Variants in LTBP1 observed in about 807,000 individuals in gnomAD.
The protein encoded by LTBP1 is latent-transforming growth factor beta-binding protein 1.
LTBP1 carries 129 observed loss-of-function variants against 207.6 expected under a neutral mutation model. That is an observed-to-expected ratio of 0.62 (90% CI 0.54 to 0.72). The LOEUF (loss-of-function observed/expected upper bound fraction) is 0.72. LTBP1 is among the 30% of genes least tolerant of loss of function. The pLI is 0.00. For missense variants in LTBP1, 2,281 were observed against 2,217.2 expected, an observed-to-expected ratio of 1.03 and a Z score of -0.58; for synonymous variants, 963 against 833.7, an observed-to-expected ratio of 1.16 and a Z score of -2.67.
In LTBP1 at chr2:33,398,524, G is replaced by A. The variant is rs751392666; in HGVS notation, c.5145G>A (p.Glu1715=). ...CTPLNTALNL[E]KDSDLE ...CGTTGAATACCGCCTTGAATTTAGA[G>A]AAAGACAGTGACCTGGAGTGAAACA... Residue 1715 remains glutamate (E), a synonymous_variant, in exon 34 of 34, where the codon GAG becomes GAA. Coordinates refer to ENST00000404816, the MANE Select transcript of LTBP1 (RefSeq NM_206943.4). The A allele has an allele frequency of 3.7e-6, 6 of 1,614,038 alleles. No individual in the cohort carries two copies. Among genetic ancestry groups the A allele is most frequent in the South Asian group, 2.2e-5 (2 of 91,056 alleles).
At chr2:33,206,331 C>T (rs1288488096) in intron 7 of LTBP1, among the ~76,000 whole-genome samples, 1 of 152,158 alleles carries the variant, frequency 6.6e-6, no homozygotes, top group Non-Finnish European at 1.5e-5. Context: ...CCAAATGAGG[C>T]ATGCATTACA....
chr2:33,180,753 G>C (rs2086541987), intron 5 of LTBP1, among the ~76,000 whole-genome samples: 2 of 152,136 alleles, frequency 1.3e-5, no homozygotes, highest in Non-Finnish European at 2.9e-5. Context: ...ACCGTGCCCA[G>C]CCTAAGTAGC....
intron 24 of LTBP1, among the ~76,000 whole-genome samples, chr2:33,334,441 G>A (rs1365031606): frequency 2.0e-5 from 3 of 152,160 alleles, no homozygotes; most frequent in African/African-American, 7.2e-5. Context: ...GTGTCTGAAA[G>A]CACAAAACTC....
chr2:33,086,991 C>T (rs1273947995), intron 3 of LTBP1, among the ~76,000 whole-genome samples: 2 of 150,570 alleles, frequency 1.3e-5, no homozygotes, highest in Admixed American at 1.3e-4. Context: ...GGCACTTGAT[C>T]ACAGAGATTA....
chr2:33,064,103 T>C (rs1047367207), intron 3 of LTBP1, among the ~76,000 whole-genome samples: 8 of 152,232 alleles, frequency 5.3e-5, no homozygotes, highest in African/African-American at 1.4e-4. Flanking sequence ...TTTACCCGCC[T>C]TGGCCTCCCA....
intron 2 of LTBP1, among the ~76,000 whole-genome samples, chr2:32,974,066 G>A (rs1216445496): frequency 6.6e-6 from 1 of 152,170 alleles, no homozygotes; most frequent in Non-Finnish European, 1.5e-5. Context: ...AAACATAGGA[G>A]TGCAAATATC....
intron 5 of LTBP1, among the ~76,000 whole-genome samples, chr2:33,168,288 CAGGAGGA>C (rs1285850894): frequency 6.6e-6 from 1 of 150,876 alleles, no homozygotes; most frequent in African/African-American, 2.4e-5. Flanking sequence ...GAGGCTGAGG[CAGGAGGA>C]TCACTTGAAC....
intron 5 of LTBP1, among the ~76,000 whole-genome samples, chr2:33,149,782 T>G (rs2150962884): frequency 6.6e-6 from 1 of 152,298 alleles, no homozygotes; most frequent in East Asian, 1.9e-4. Context: ...AAACTGCTTT[T>G]CAGCACTGAC....
In LTBP1 at chr2:32,994,322, A is replaced by G. The variant is rs1684904070; in HGVS notation, c.566-26587A>G. ...TTAGTGTCTTTATGAGATAGGTACT[A>G]TTATTATGCTAATTTTACAGATCAG... On this transcript the variant is annotated intron_variant, in intron 2 of 33. Coordinates refer to ENST00000404816, the MANE Select transcript of LTBP1 (RefSeq NM_206943.4). Among the ~76,000 whole-genome samples the G allele has an allele frequency of 2.0e-5, 3 of 152,240 alleles. No homozygotes were observed. In the South Asian group the frequency reaches 6.2e-4, roughly 32 times the overall value.
chr2:33,228,434 G>A (rs1277185877), intron 9 of LTBP1, among the ~76,000 whole-genome samples: 1 of 152,076 alleles, frequency 6.6e-6, no homozygotes, highest in Non-Finnish European at 1.5e-5. Flanking sequence ...GCTAATAAGT[G>A]CTACATGCAG....
In LTBP1 at chr2:33,053,151, G is replaced by A. The variant is rs558166012; in HGVS notation, c.863+31945G>A. Reference sequence around the variant, plus strand: ...CTCCCAAAGTGCTGGAATTACAGGCGTAAGCCACCGCGCCTGGCCTAAAAG... The same window carrying A: ...CTCCCAAAGTGCTGGAATTACAGGCATAAGCCACCGCGCCTGGCCTAAAAG... On this transcript the variant is annotated intron_variant, in intron 3 of 33. Transcript: ENST00000404816. 3.9e-3 allele frequency among the ~76,000 whole-genome samples: 594 copies of A among 152,286 alleles called. 6 individuals are homozygous for A. The highest frequency in any genetic ancestry group is 0.014 in the African/African-American group (577 of 41,558).
chr2:32,969,075 G>A (rs1410950148), intron 2 of LTBP1, among the ~76,000 whole-genome samples: 5 of 151,818 alleles, frequency 3.3e-5, no homozygotes, highest in South Asian at 2.1e-4. Context: ...ACAGGTGCCC[G>A]CCACCATGCC....
At chr2:33,348,217 C>T (rs559332070) in intron 26 of LTBP1, among the ~76,000 whole-genome samples, 77 of 151,496 alleles carry the variant, frequency 5.1e-4, no homozygotes, top group African/African-American at 1.8e-3. Context: ...ATTTTTTTTT[C>T]TTTCTCAGTC....
intron 5 of LTBP1, among the ~76,000 whole-genome samples, chr2:33,141,549 AG>A (rs1469823706): frequency 1.3e-5 from 2 of 152,218 alleles, no homozygotes; most frequent in African/African-American, 4.8e-5. Flanking sequence ...AATGTCAGGA[AG>A]TGATAGACAC....
At chr2:33,044,963 GT>G (rs895965679) in intron 3 of LTBP1, among the ~76,000 whole-genome samples, 18 of 149,912 alleles carry the variant, frequency 1.2e-4, no homozygotes, top group South Asian at 4.2e-4. Flanking sequence ...GGGTTGTTTG[GT>G]TTTTTTTTCA....
At chr2:33,157,008 T>C (rs2084029854) in intron 5 of LTBP1, among the ~76,000 whole-genome samples, 1 of 152,214 alleles carries the variant, frequency 6.6e-6, no homozygotes, top group Admixed American at 6.5e-5. Flanking sequence ...AAATGACAGA[T>C]TTTACACACT....
chr2:33,342,060 G>A (rs368466773), intron 24 of LTBP1, among the ~76,000 whole-genome samples: 3 of 152,204 alleles, frequency 2.0e-5, no homozygotes, highest in Non-Finnish European at 1.5e-5. Flanking sequence ...AGGAAAGAAC[G>A]GAGAAGGAAA....
intron 1 of LTBP1, 143 bp downstream of exon 1, chr2:32,947,961 C>G (rs1036432276): frequency 7.4e-5 from 47 of 633,388 alleles, no homozygotes; most frequent in South Asian, 4.1e-4. Flanking sequence ...CCGCCTCCGC[C>G]TGCTCTGGGC....
chr2:33,054,348 G>T (rs1437581301), intron 3 of LTBP1, among the ~76,000 whole-genome samples: 1 of 152,170 alleles, frequency 6.6e-6, no homozygotes, highest in Non-Finnish European at 1.5e-5. Flanking sequence ...AAGGGATATT[G>T]CCTTTGATAA....
Sources: allele counts gnomAD v4.1 joint callset (sites outside exome capture counted in the v4.1 genomes callset), GRCh38; gene constraint gnomAD v4.1.1; transcripts MANE v1.5; gene names NCBI Gene and HGNC (gene_info 2026-07-23, HGNC 2026-07-21).